PTPRG: variants seen among roughly 807,000 people sequenced by gnomAD.
The protein encoded by PTPRG is protein tyrosine phosphatase receptor type G.
PTPRG carries 102 observed loss-of-function variants against 165.3 expected under a neutral mutation model. That is an observed-to-expected ratio of 0.62 (90% CI 0.53 to 0.73). The LOEUF (loss-of-function observed/expected upper bound fraction) is 0.73. Ranked by LOEUF, PTPRG falls within the 30% of genes least tolerant of loss-of-function variation. PTPRG has a pLI of 0.00. For missense variants in PTPRG, 1,866 were observed against 1,861.4 expected, an observed-to-expected ratio of 1.00 and a Z score of -0.05; for synonymous variants, 675 against 669.5, an observed-to-expected ratio of 1.01 and a Z score of -0.13.
At chr3:61,748,742 TAA>T in intron 1 of PTPRG, 134 bp from the exon 2 acceptor site, 2 of 580,462 alleles carry the variant, frequency 3.4e-6, no homozygotes, top group Non-Finnish European at 5.9e-6. Flanking sequence ...TTTTTTTTTG[TAA>T]AATAAGTTGG....
chr3:61,704,094 A>G (rs1442778765), intron 1 of PTPRG, among the ~76,000 whole-genome samples: 1 of 152,164 alleles, frequency 6.6e-6, no homozygotes, highest in Non-Finnish European at 1.5e-5. Flanking sequence ...GTGAATTACT[A>G]TGGAGAGGAG....
At chr3:61,768,272 G>T (rs993899264) in intron 2 of PTPRG, among the ~76,000 whole-genome samples, 1 of 151,968 alleles carries the variant, frequency 6.6e-6, no homozygotes, top group Admixed American at 6.6e-5. Context: ...CTTTTTTTTG[G>T]TAGGGATATT....
At chr3:62,292,850 C>G (rs1048742361) in intron 29 of PTPRG, 1 of 472,508 alleles carries the variant, frequency 2.1e-6, no homozygotes, top group East Asian at 3.5e-5. Flanking sequence ...GGATAGTATT[C>G]TCTGGTTATC....
chr3:62,151,669 T>C (rs1390287439), intron 6 of PTPRG, among the ~76,000 whole-genome samples: 1 of 151,568 alleles, frequency 6.6e-6, no homozygotes, highest in Non-Finnish European at 1.5e-5. Context: ...TGAATGGTGG[T>C]ATAAATAGTT....
At chr3:62,267,988 A>C (rs1701938971) in intron 19 of PTPRG, among the ~76,000 whole-genome samples, 169 bp downstream of exon 19, 1 of 152,132 alleles carries the variant, frequency 6.6e-6, no homozygotes, top group Non-Finnish European at 1.5e-5. Flanking sequence ...GAGCTAAGGC[A>C]TTATGAGAGT....
chr3:62,009,252 C>G (rs1358920013), intron 4 of PTPRG, among the ~76,000 whole-genome samples: 1 of 152,160 alleles, frequency 6.6e-6, no homozygotes, highest in African/African-American at 2.4e-5. Flanking sequence ...ATGACACAAG[C>G]AGGTTAAATC....
chr3:61,739,437 T>G (rs1337989245), intron 1 of PTPRG, among the ~76,000 whole-genome samples: 2 of 152,192 alleles, frequency 1.3e-5, no homozygotes, highest in Non-Finnish European at 2.9e-5. Flanking sequence ...AATTTTTCAC[T>G]TGTGATGTTT....
intron 2 of PTPRG, among the ~76,000 whole-genome samples, chr3:61,847,626 G>A (rs982963026): frequency 6.6e-6 from 1 of 152,128 alleles, no homozygotes; most frequent in African/African-American, 2.4e-5. Context: ...TCCCTCCTTC[G>A]GGGATTCCAG....
Position 61,726,025 on chromosome 3 carries a change from T to C in PTPRG, c.86-22853T>C, listed in dbSNP as rs549901030. Among the ~76,000 whole-genome samples, 3 of 152,300 alleles carry C rather than the reference T, an allele frequency of 2.0e-5. No homozygotes were observed. In the East Asian group the frequency reaches 5.8e-4, roughly 29 times the overall value. ...CAAATAAGGCACTGCTGAGTGTTAGTTGGAGAAGAGCCAGAAGCTTATGAC... is the reference window on the plus strand; with the variant it reads ...CAAATAAGGCACTGCTGAGTGTTAGCTGGAGAAGAGCCAGAAGCTTATGAC... On this transcript the variant is annotated intron_variant, in intron 1 of 29. Coordinates refer to ENST00000474889, the MANE Select transcript of PTPRG (RefSeq NM_002841.4).
At chr3:62,058,092 G>T (rs1226995959) in intron 4 of PTPRG, among the ~76,000 whole-genome samples, 1 of 152,200 alleles carries the variant, frequency 6.6e-6, no homozygotes, top group African/African-American at 2.4e-5. Context: ...AGCAGTGCTA[G>T]TATGGATGTG....
chr3:61,575,689 C>A (rs1170362185), intron 1 of PTPRG, among the ~76,000 whole-genome samples: 4 of 150,770 alleles, frequency 2.7e-5, no homozygotes, highest in African/African-American at 9.8e-5. Flanking sequence ...ACCTCTGCCT[C>A]CCGGGTTCAA....
intron 5 of PTPRG, chr3:62,124,087 G>A (rs991814874): frequency 3.8e-6 from 2 of 521,124 alleles, no homozygotes; most frequent in Non-Finnish European, 6.8e-6. Flanking sequence ...TTTTTAAAAA[G>A]GTCCATTCAA....
chr3:61,648,061 T>C (rs1702252534), intron 1 of PTPRG, among the ~76,000 whole-genome samples: 1 of 152,110 alleles, frequency 6.6e-6, no homozygotes, highest in Non-Finnish European at 1.5e-5. Flanking sequence ...AGGCTGCAAC[T>C]TCATGATAAG....
chr3:61,679,615 A>G (rs1165701173), intron 1 of PTPRG, among the ~76,000 whole-genome samples: 1 of 152,092 alleles, frequency 6.6e-6, no homozygotes, highest in African/African-American at 2.4e-5. Context: ...CCCTGTCTCT[A>G]CTAAGAATAC....
intron 5 of PTPRG, among the ~76,000 whole-genome samples, chr3:62,122,744 A>T (rs1210097779): frequency 6.6e-6 from 1 of 152,170 alleles, no homozygotes; most frequent in Non-Finnish European, 1.5e-5. Flanking sequence ...CTTGGTTGGA[A>T]CTTGGATTTT....
intron 1 of PTPRG, among the ~76,000 whole-genome samples, chr3:61,598,279 C>A (rs1446275827): frequency 1.3e-5 from 2 of 152,144 alleles, no homozygotes; most frequent in African/African-American, 4.8e-5. Flanking sequence ...CGCATTTCCC[C>A]TTGGGTGTTT....
intron 2 of PTPRG, among the ~76,000 whole-genome samples, chr3:61,751,938 A>G (rs1263040346): frequency 1.3e-5 from 2 of 152,022 alleles, no homozygotes; most frequent in Non-Finnish European, 2.9e-5. Flanking sequence ...GCTTGCAGTG[A>G]GCCGAGATTG....
intron 1 of PTPRG, among the ~76,000 whole-genome samples, chr3:61,570,799 G>A (rs1700036880): frequency 6.6e-6 from 1 of 152,146 alleles, no homozygotes; most frequent in South Asian, 2.1e-4. Flanking sequence ...ACAAAGCGGT[G>A]GTTATTTATA....
At chr3:62,023,179 TG>T (rs1411783937) in intron 4 of PTPRG, among the ~76,000 whole-genome samples, 1 of 152,222 alleles carries the variant, frequency 6.6e-6, no homozygotes, top group Non-Finnish European at 1.5e-5. Context: ...ATTATATTTC[TG>T]TGTTATATTT....
Sources: gnomAD v4.1 joint callset for allele counts (sites outside exome capture counted in the v4.1 genomes callset) on GRCh38, gnomAD v4.1.1 for gene constraint, MANE v1.5 for transcripts, NCBI Gene and HGNC (gene_info 2026-07-23, HGNC 2026-07-21) for gene names.